Variants in NRXN1 observed in about 807,000 individuals in gnomAD.
NRXN1 encodes the protein neurexin-1.
A neutral mutation model predicts 150.9 loss-of-function variants in NRXN1; 39 were observed. The observed-to-expected ratio is 0.26, with a 90% CI of 0.20 to 0.34. The LOEUF is 0.34. NRXN1 is among the 10% of genes least tolerant of loss of function. The pLI, the probability that NRXN1 is intolerant of heterozygous loss-of-function variation, is 1.00. For synonymous variants in NRXN1, 924 were observed against 757.0 expected (o/e 1.22, Z -3.62); for missense variants, 1,815 against 1,949.9 (o/e 0.93, Z 1.30).
chr2:49,964,888 CTTTAT>C (rs759374699), intron 21 of NRXN1, among the ~76,000 whole-genome samples: 4 of 152,030 alleles, frequency 2.6e-5, no homozygotes, highest in East Asian at 1.9e-4. Context: ...TGTAAAAGTT[CTTTAT>C]TTTATTTTTT....
intron 21 of NRXN1, among the ~76,000 whole-genome samples, chr2:50,016,076 A>G (rs1034549323): frequency 2.6e-5 from 4 of 152,158 alleles, no homozygotes; most frequent in Admixed American, 6.5e-5. Context: ...AAAAGAAGTA[A>G]GGATCTTTTT....
rs568359668 is a variant in NRXN1 at position 50,091,262 on chromosome 2, T to C, written c.3718+61A>G. 4 of 1,577,914 alleles carry C rather than the reference T, an allele frequency of 2.5e-6. No individual in the cohort carries two copies. The East Asian group carries it at 8.9e-5, about 35-fold the overall frequency. On this transcript the variant is annotated intron_variant, in intron 19 of 22. Transcript: ENST00000401669. ...ATTTGGTGAAACGGATGCAAAACAGTGCTTTTTCTTCCAGTTTGTTTTTCA... is the reference window on the plus strand; with the variant it reads ...ATTTGGTGAAACGGATGCAAAACAGCGCTTTTTCTTCCAGTTTGTTTTTCA...
In NRXN1 at chr2:50,420,476, C is replaced by T. The variant is rs1262400939; in HGVS notation, c.3364+44966G>A. Reference sequence around the variant, plus strand: ...AAAAATCATGAGTGACATTTATTGGCAACTAAAGTTATCATTGATTTTTGC... The same window carrying T: ...AAAAATCATGAGTGACATTTATTGGTAACTAAAGTTATCATTGATTTTTGC... On this transcript the variant is annotated intron_variant, in intron 17 of 22. Coordinates refer to ENST00000401669, the MANE Select transcript of NRXN1 (RefSeq NM_001330078.2). 2.0e-5 allele frequency among the ~76,000 whole-genome samples: 3 copies of T among 151,864 alleles called. No individual in the cohort carries two copies. In the East Asian group the frequency reaches 5.8e-4, roughly 29 times the overall value.
At chr2:50,964,890 G>A (rs1693806725) in intron 2 of NRXN1, among the ~76,000 whole-genome samples, 1 of 151,492 alleles carries the variant, frequency 6.6e-6, no homozygotes, top group East Asian at 1.9e-4. Flanking sequence ...TCAGGGGAGT[G>A]AAATATGAAA....
intron 9 of NRXN1, among the ~76,000 whole-genome samples, chr2:50,550,828 C>CA (rs1667356719): frequency 6.6e-6 from 1 of 151,662 alleles, no homozygotes; most frequent in Admixed American, 6.6e-5. Flanking sequence ...ACTACAGGCA[C>CA]CGCCACCACG....
At chr2:50,856,453 GT>G (rs905612115) in intron 5 of NRXN1, among the ~76,000 whole-genome samples, 3 of 151,852 alleles carry the variant, frequency 2.0e-5, no homozygotes, top group African/African-American at 7.3e-5. Context: ...CAACTTACTT[GT>G]TTTTTTCATT....
chr2:50,567,369 AT>A lies in NRXN1; in HGVS notation c.1321-14345del. ...TACTAACCACACGTAGACTGGGACC[AT>A]TTTTTTCATTGTAACTGATGAAGCC... On this transcript the variant is annotated intron_variant, in intron 8 of 22. Transcript: ENST00000401669. Among the ~76,000 whole-genome samples the A allele has an allele frequency of 2.6e-5, 4 of 152,154 alleles. No homozygotes were observed. In the Middle Eastern group the frequency reaches 0.01, roughly 388 times the overall value.
At chr2:50,614,890 A>G (rs946254428) in intron 8 of NRXN1, among the ~76,000 whole-genome samples, 1 of 152,072 alleles carries the variant, frequency 6.6e-6, no homozygotes, top group African/African-American at 2.4e-5. Context: ...CAGGAAGGAA[A>G]TATTTCATCT....
At chr2:50,416,574 T>G (rs1195213523) in intron 17 of NRXN1, among the ~76,000 whole-genome samples, 2 of 152,114 alleles carry the variant, frequency 1.3e-5, no homozygotes, top group Admixed American at 1.3e-4. Context: ...TATAAAGAAA[T>G]GCCCAAGACT....
chr2:50,083,808 T>C (rs1425696119), intron 19 of NRXN1, among the ~76,000 whole-genome samples: 2 of 152,136 alleles, frequency 1.3e-5, no homozygotes, highest in Non-Finnish European at 2.9e-5. Flanking sequence ...ATAAGCTAGA[T>C]ACAGAGTGCT....
At chr2:49,934,456 T>C (rs1200483654) in intron 22 of NRXN1, among the ~76,000 whole-genome samples, 1 of 152,208 alleles carries the variant, frequency 6.6e-6, no homozygotes, top group Non-Finnish European at 1.5e-5. Flanking sequence ...TGATTTAGAA[T>C]TGGGTCTCTT....
At chr2:50,823,807 TCAAA>T (rs1250857077) in intron 5 of NRXN1, among the ~76,000 whole-genome samples, 2 of 152,288 alleles carry the variant, frequency 1.3e-5, no homozygotes, top group African/African-American at 4.8e-5. Flanking sequence ...TGTTAAAGAA[TCAAA>T]CAGAGATTTA....
At chr2:50,993,884 T>C (rs915562709) in intron 2 of NRXN1, among the ~76,000 whole-genome samples, 4 of 152,064 alleles carry the variant, frequency 2.6e-5, no homozygotes, top group African/African-American at 9.6e-5. Context: ...CCAGAGCACT[T>C]TGCAAATTTA....
chr2:51,009,622 T>C lies in NRXN1; in HGVS notation c.772+17880A>G, dbSNP rs563201864. Among the ~76,000 whole-genome samples, 41 of 152,024 alleles carry C rather than the reference T, an allele frequency of 2.7e-4. 1 individual carries two copies. The highest frequency in any genetic ancestry group is 1.5e-3 in the South Asian group (7 of 4,818). The stretch of plus-strand genomic sequence containing the variant: ...ATGTGTATGAAGTAGAGCAGGAAAG[T>C]TGTGAGTCATTTGGAACTTCTCAGA... On this transcript the variant is annotated intron_variant, in intron 2 of 22. Coordinates refer to ENST00000401669, the MANE Select transcript of NRXN1 (RefSeq NM_001330078.2).
intron 5 of NRXN1, among the ~76,000 whole-genome samples, chr2:50,819,148 A>G (rs1669350693): frequency 6.6e-6 from 1 of 152,124 alleles, no homozygotes; most frequent in African/African-American, 2.4e-5. Context: ...TAGAACTACC[A>G]TATGATTCAG....
intron 2 of NRXN1, among the ~76,000 whole-genome samples, chr2:50,999,462 A>G (rs1699758230): frequency 6.6e-6 from 1 of 151,994 alleles, no homozygotes; most frequent in African/African-American, 2.4e-5. Flanking sequence ...CTTCTTGCAC[A>G]TCTTCTATGT....
intron 19 of NRXN1, among the ~76,000 whole-genome samples, chr2:50,075,470 C>T (rs535192699): frequency 6.6e-6 from 1 of 152,262 alleles, no homozygotes; most frequent in Admixed American, 6.5e-5. Context: ...ATAAACTGAA[C>T]ACCTTATCAT....
intron 5 of NRXN1, among the ~76,000 whole-genome samples, chr2:50,859,217 A>T (rs1675731150): frequency 1.3e-5 from 2 of 152,086 alleles, no homozygotes; most frequent in Admixed American, 1.3e-4. Context: ...GCCAGGTCTC[A>T]GCATACAGAA....
chr2:50,884,478 A>T (rs1236908503), intron 5 of NRXN1, among the ~76,000 whole-genome samples: 2 of 151,920 alleles, frequency 1.3e-5, no homozygotes, highest in Non-Finnish European at 2.9e-5. Flanking sequence ...CTTCTACTAA[A>T]AAATAAATTA....
Sources: allele counts gnomAD v4.1 joint callset (sites outside exome capture counted in the v4.1 genomes callset), GRCh38; gene constraint gnomAD v4.1.1; transcripts MANE v1.5; gene names NCBI Gene and HGNC (gene_info 2026-07-23, HGNC 2026-07-21).